Variants in RGS7 observed in about 807,000 individuals in gnomAD.
The protein encoded by RGS7 is regulator of G protein signaling 7, also known as regulator of G-protein signaling 7.
A neutral mutation model predicts 81.1 loss-of-function variants in RGS7; 27 were observed. That is an observed-to-expected ratio of 0.33 (90% CI 0.25 to 0.46). The LOEUF (loss-of-function observed/expected upper bound fraction) is 0.46. Among genes scored for constraint, RGS7 ranks in the 20% least tolerant of loss-of-function variants. The pLI is 1.00. For synonymous variants in RGS7, 208 were observed against 207.7 expected, an observed-to-expected ratio of 1.00 and a Z score of -0.01; for missense variants, 396 against 607.4, an observed-to-expected ratio of 0.65 and a Z score of 3.66.
intron 2 of RGS7, among the ~76,000 whole-genome samples, chr1:241,176,893 T>C (rs1231944662): frequency 6.6e-6 from 1 of 152,154 alleles, no homozygotes; most frequent in African/African-American, 2.4e-5. Context: ...CAAAAGGACA[T>C]TTCTGCCTTT....
intron 2 of RGS7, among the ~76,000 whole-genome samples, chr1:241,326,170 T>C (rs1037622742): frequency 4.6e-5 from 7 of 152,178 alleles, no homozygotes; most frequent in Non-Finnish European, 1.0e-4. Flanking sequence ...CATCTCCGGT[T>C]TCACTACTAA....
chr1:240,968,630 T>C (rs1682719602), intron 4 of RGS7, among the ~76,000 whole-genome samples: 2 of 152,168 alleles, frequency 1.3e-5, no homozygotes, highest in Non-Finnish European at 2.9e-5. Flanking sequence ...GAAAATCGTA[T>C]CAGATGTTAC....
chr1:241,333,439 G>A (rs767600956), intron 2 of RGS7, among the ~76,000 whole-genome samples: 3 of 152,226 alleles, frequency 2.0e-5, no homozygotes, highest in Non-Finnish European at 4.4e-5. Flanking sequence ...GATAAGAAGA[G>A]ACTTCAGCTG....
At chr1:241,268,569 TC>T (rs2148330049) in intron 2 of RGS7, among the ~76,000 whole-genome samples, 1 of 152,304 alleles carries the variant, frequency 6.6e-6, no homozygotes, top group African/African-American at 2.4e-5. Flanking sequence ...TCTAAACTCT[TC>T]TAGAAGCAAA....
intron 5 of RGS7, among the ~76,000 whole-genome samples, chr1:240,932,056 G>A (rs1051440723): frequency 6.6e-6 from 1 of 152,166 alleles, no homozygotes; most frequent in South Asian, 2.1e-4. Context: ...CATATTTGGA[G>A]TCATCTCTGA....
intron 3 of RGS7, among the ~76,000 whole-genome samples, chr1:240,996,641 G>GCACAA (rs1319539863): frequency 1.3e-5 from 2 of 152,000 alleles, no homozygotes; most frequent in East Asian, 3.9e-4. Flanking sequence ...AATCAATTTT[G>GCACAA]CACAACACAT....
At chr1:240,957,726 C>T (rs947025197) in intron 4 of RGS7, among the ~76,000 whole-genome samples, 3 of 152,068 alleles carry the variant, frequency 2.0e-5, no homozygotes, top group African/African-American at 7.2e-5. Context: ...ACAAGTATAT[C>T]GTACTAATGT....
chr1:241,331,174 A>G (rs780599655), intron 2 of RGS7, among the ~76,000 whole-genome samples: 1 of 152,202 alleles, frequency 6.6e-6, no homozygotes, highest in Admixed American at 6.5e-5. Flanking sequence ...AATTTAAGAA[A>G]GAGGGTATTT....
chr1:241,183,553 C>T (rs372396571), intron 2 of RGS7, among the ~76,000 whole-genome samples: 3 of 152,180 alleles, frequency 2.0e-5, no homozygotes, highest in African/African-American at 7.2e-5. Flanking sequence ...AGTCTATCTA[C>T]ATACACATGG....
chr1:240,913,064 G>T (rs1672026646), intron 6 of RGS7, among the ~76,000 whole-genome samples: 1 of 152,158 alleles, frequency 6.6e-6, no homozygotes, highest in African/African-American at 2.4e-5. Flanking sequence ...CTTCCAAGCT[G>T]GTGGCTCAGT....
chr1:240,901,075 G>C, intron 6 of RGS7, among the ~76,000 whole-genome samples: 1 of 152,210 alleles, frequency 6.6e-6, no homozygotes, highest in Non-Finnish European at 1.5e-5. Context: ...GGCTCCGTGG[G>C]TGTGGGACCC....
chr1:240,799,914 A>G (rs1687758786), intron 18 of RGS7, among the ~76,000 whole-genome samples: 1 of 152,134 alleles, frequency 6.6e-6, no homozygotes, highest in South Asian at 2.1e-4. Flanking sequence ...ATATGGTACT[A>G]TTTTAAGAGT....
In RGS7 at chr1:241,353,413, C is replaced by G. The variant is rs145291932; in HGVS notation, c.78+2286G>C. On this transcript the variant is annotated intron_variant, in intron 2 of 18. Coordinates refer to ENST00000440928, the MANE Select transcript of RGS7 (RefSeq NM_001364886.1). ...TACACACAGATAAAGACCATTTGAC[C>G]TGATAACTAGCAAATGATAAGCAAG... Among the ~76,000 whole-genome samples, 1,411 of 152,298 alleles carry G rather than the reference C, an allele frequency of 9.3e-3. 16 individuals are homozygous for G. The highest frequency in any genetic ancestry group is 0.012 in the South Asian group (60 of 4,826).
chr1:241,043,278 T>C (rs2060721668), intron 3 of RGS7, among the ~76,000 whole-genome samples: 11 of 152,008 alleles, frequency 7.2e-5, no homozygotes, highest in Admixed American at 7.2e-4. Flanking sequence ...ATAATACTTT[T>C]GTTACACTAT....
At chr1:241,327,115 A>AAAGAAAGG (rs2081612203) in intron 2 of RGS7, among the ~76,000 whole-genome samples, 1 of 112,426 alleles carries the variant, frequency 8.9e-6, no homozygotes, top group Non-Finnish European at 2.0e-5. Context: ...AGAAAGAAAG[A>AAAGAAAGG]AAGAAAGAAA....
intron 2 of RGS7, among the ~76,000 whole-genome samples, chr1:241,198,470 G>GA (rs1329299750): frequency 2.0e-5 from 3 of 151,742 alleles, no homozygotes; most frequent in African/African-American, 7.3e-5. Flanking sequence ...AAAAAAGGCA[G>GA]AAAAAAATCC....
chr1:241,007,209 G>A (rs958098108), intron 3 of RGS7, among the ~76,000 whole-genome samples: 7 of 152,118 alleles, frequency 4.6e-5, no homozygotes, highest in Non-Finnish European at 8.8e-5. Flanking sequence ...GAGCCACTGC[G>A]CCCAGCCTTC....
At chr1:241,138,694 C>A (rs1572856499) in intron 2 of RGS7, among the ~76,000 whole-genome samples, 3 of 152,306 alleles carry the variant, frequency 2.0e-5, no homozygotes, top group Admixed American at 2.0e-4. Flanking sequence ...CTCATCTCGA[C>A]CCTTTCCATT....
At chr1:240,998,933 T>C in intron 3 of RGS7, 1 of 352,974 alleles carries the variant, frequency 2.8e-6, no homozygotes, top group Non-Finnish European at 5.5e-6. Context: ...ATGGCACCAA[T>C]GTTAGATCTT....
Sources: gnomAD v4.1 joint callset for allele counts (sites outside exome capture counted in the v4.1 genomes callset) on GRCh38, gnomAD v4.1.1 for gene constraint, MANE v1.5 for transcripts, NCBI Gene and HGNC (gene_info 2026-07-23, HGNC 2026-07-21) for gene names.